BIRC6: variants seen among roughly 807,000 people sequenced by gnomAD.
BIRC6 encodes the protein baculoviral IAP repeat containing 6.
BIRC6 carries 98 observed loss-of-function variants against 503.3 expected under a neutral mutation model. The ratio of observed to expected loss-of-function variants is 0.19; its 90% confidence interval spans 0.17 to 0.23. BIRC6 has a LOEUF of 0.23. BIRC6 is among the 10% of genes least tolerant of loss of function. The pLI is 1.00. For synonymous variants in BIRC6, 2,240 were observed against 2,078.7 expected (o/e 1.08, Z -2.11); for missense variants, 5,360 against 5,806.0 (o/e 0.92, Z 2.50).
At chr2:32,531,600 T>C (rs936620040) in intron 61 of BIRC6, 49 bp downstream of exon 61, 5 of 1,435,650 alleles carry the variant, frequency 3.5e-6, no homozygotes, top group Non-Finnish European at 4.7e-6. Flanking sequence ...GCTAAGCCCT[T>C]CATTCTTTTT....
At chr2:32,391,047 A>G (rs1160310842) in intron 4 of BIRC6, among the ~76,000 whole-genome samples, 1 of 151,870 alleles carries the variant, frequency 6.6e-6, no homozygotes, top group African/African-American at 2.4e-5. Context: ...AAAATACGTA[A>G]TTAGAACAAG....
In BIRC6 at chr2:32,399,784, T is replaced by A. The variant is rs897041786; in HGVS notation, c.1035-1379T>A. On this transcript the variant is annotated intron_variant, in intron 6 of 73. Coordinates refer to ENST00000421745, the MANE Select transcript of BIRC6 (RefSeq NM_016252.4). ...TTTTATTTTTATATTTTAATTTAAA[T>A]TTTTAAATTTTTTATTTTTTAGAGA... 1.3e-5 allele frequency among the ~76,000 whole-genome samples: 2 copies of A among 151,902 alleles called. 1 individual carries two copies. The highest frequency in any genetic ancestry group is 3.8e-4 in the East Asian group (2 of 5,202).
Position 32,445,619 on chromosome 2 carries a change from A to C in BIRC6, c.4435A>C (p.Arg1479=). The change falls in exon 21 of 74, where the codon AGA becomes CGA. Residue 1479 remains arginine (R), a synonymous_variant. Coordinates refer to ENST00000421745, the MANE Select transcript of BIRC6 (RefSeq NM_016252.4). ...TGCATCTTTGCTTACTGCAGTGTCCAGACAGTTACAGGACAGGCTAACACC... is the reference window on the plus strand; with the variant it reads ...TGCATCTTTGCTTACTGCAGTGTCCCGACAGTTACAGGACAGGCTAACACC... The part of the protein sequence containing the change: ...ACASLLTAVS[R]QLQDRLTPME... 1 of 1,605,420 alleles carries C rather than the reference A, an allele frequency of 6.2e-7. No individual in the cohort carries two copies. Among genetic ancestry groups the C allele is most frequent in the Middle Eastern group, 1.7e-4 (1 of 6,034 alleles).
rs1202237845 is a variant in BIRC6 at position 32,611,225 on chromosome 2, C to T, written c.14260-223C>T. On this transcript the variant is annotated intron_variant, in intron 72 of 73. Transcript: ENST00000421745. ...GGTTCACGCCATTCTCTTGCCTCAG[C>T]CTCCCAAATTGAGTTTTATGGATAG... 2.0e-5 allele frequency among the ~76,000 whole-genome samples: 3 copies of T among 151,822 alleles called. No individual in the cohort carries two copies. The East Asian group carries it at 5.8e-4, about 29-fold the overall frequency.
At position 32,468,098 on chromosome 2, in the gene BIRC6, G is replaced by A. The variant is rs1332556138; in HGVS notation, c.5767G>A (p.Asp1923Asn). The change falls in exon 28 of 74, where the codon GAT becomes AAT. Residue 1923 changes from aspartate (D) to asparagine (N), a missense_variant. Coordinates refer to ENST00000421745, the MANE Select transcript of BIRC6 (RefSeq NM_016252.4). ...AGCAATGATGGTTGCTTTGCAGGAG[G>A]ATATACAGTGCAGGTTAGTACAGAG... ...HLAMMVALQE[D>N]IQCRYNLACH... is the part of the protein sequence containing the mutation. The A allele has an allele frequency of 1.9e-6, 3 of 1,613,882 alleles. No individual in the cohort carries two copies. The highest frequency in any genetic ancestry group is 2.5e-6 in the Non-Finnish European group (3 of 1,179,842).
chr2:32,475,447 G>A (rs2049640625), intron 33 of BIRC6, among the ~76,000 whole-genome samples: 1 of 152,134 alleles, frequency 6.6e-6, no homozygotes, highest in Admixed American at 6.5e-5. Flanking sequence ...GATAGGATAG[G>A]AGGGAAGTGT....
At chr2:32,392,599 T>C (rs968460836) in intron 5 of BIRC6, among the ~76,000 whole-genome samples, 3 of 152,142 alleles carry the variant, frequency 2.0e-5, no homozygotes, top group African/African-American at 7.2e-5. Flanking sequence ...TAAGATTAGA[T>C]ACAACTTTTT....
At position 32,531,425 on chromosome 2, in the gene BIRC6, G is replaced by A; in HGVS notation, c.12165G>A (p.Gly4055=). 1 of 1,613,860 alleles carries A rather than the reference G, an allele frequency of 6.2e-7. No homozygotes were observed. The change falls in exon 61 of 74, where the codon GGG becomes GGA. Residue 4055 remains glycine, a synonymous_variant. Coordinates refer to ENST00000421745, the MANE Select transcript of BIRC6 (RefSeq NM_016252.4). ...CTCCAGGTGATGAATGCATGGATGG[G>A]ATACTGGATGAATCTTTGCTTGAAA... ...ALTPGDECMD[G]ILDESLLETC... is the part of the protein sequence containing the mutation.
chr2:32,599,326 T>TAAA (rs61611664), intron 69 of BIRC6, among the ~76,000 whole-genome samples: 101 of 121,644 alleles, frequency 8.3e-4, no homozygotes, highest in Non-Finnish European at 1.5e-3. Context: ...GAGACTGTCT[T>TAAA]AAAAAAAAAA....
intron 10 of BIRC6, among the ~76,000 whole-genome samples, chr2:32,427,590 A>AT (rs1303144410): frequency 4.6e-5 from 7 of 151,934 alleles, no homozygotes; most frequent in South Asian, 4.2e-4. Flanking sequence ...CTGGCCTTTA[A>AT]TTTTTTTAAA....
intron 65 of BIRC6, among the ~76,000 whole-genome samples, chr2:32,555,494 C>T (rs1008628031): frequency 7.9e-5 from 12 of 151,820 alleles, no homozygotes; most frequent in South Asian, 2.1e-4. Flanking sequence ...CAAAAATAGC[C>T]GGGTGTGGTG....
At chr2:32,606,312 G>C (rs929645822) in intron 71 of BIRC6, among the ~76,000 whole-genome samples, 8 of 152,150 alleles carry the variant, frequency 5.3e-5, no homozygotes, top group Non-Finnish European at 7.3e-5. Context: ...TTCTGGCCGG[G>C]TATGATGGCT....
chr2:32,508,866 C>T (rs1357698831), intron 51 of BIRC6, among the ~76,000 whole-genome samples: 2 of 151,974 alleles, frequency 1.3e-5, no homozygotes, highest in Non-Finnish European at 2.9e-5. Flanking sequence ...GGGCGGATCA[C>T]GAGGTCAGGA....
intron 65 of BIRC6, among the ~76,000 whole-genome samples, chr2:32,572,954 C>G (rs1295685056): frequency 6.6e-6 from 1 of 152,182 alleles, no homozygotes; most frequent in Non-Finnish European, 1.5e-5. Context: ...ATGCCACATC[C>G]TGTTACAACT....
chr2:32,378,595 T>C (rs2037180984), intron 2 of BIRC6, among the ~76,000 whole-genome samples: 1 of 151,996 alleles, frequency 6.6e-6, no homozygotes, highest in South Asian at 2.1e-4. Flanking sequence ...GTAGCTGGGA[T>C]TACAGGCATG....
chr2:32,567,348 A>T lies in BIRC6; in HGVS notation c.13145-7808A>T, dbSNP rs537277697. 2.8e-4 allele frequency among the ~76,000 whole-genome samples: 43 copies of T among 152,282 alleles called. 1 individual carries two copies. In the South Asian group the frequency reaches 3.7e-3, roughly 13 times the overall value. ...TATCCACATACCTTTCCTGGCTTGT[A>T]TTTATAAAACAGAATGTCAGGAATT... is the stretch of plus-strand genomic sequence containing the variant. On this transcript the variant is annotated intron_variant, in intron 65 of 73. Transcript: ENST00000421745.
rs2056190205 is a variant in BIRC6, at chr2:32,525,518, C to G, written c.11810C>G (p.Ser3937Cys). 1 of 1,613,956 alleles carries G rather than the reference C, an allele frequency of 6.2e-7. No homozygotes were observed. The highest frequency in any genetic ancestry group is 8.5e-7 in the Non-Finnish European group (1 of 1,179,852). ...TCAGCTACACCACCTCGCCCACCAT[C>G]CAGGAGGGGGAGGACAATACCTGAT... ...AVSATPPRPP[S>C]RRGRTIPDKI... Residue 3937 changes from serine (S) to cysteine (C), a missense_variant, in exon 59 of 74, where the codon TCC becomes TGC. This residue lies in a region of BIRC6 where 878 missense variants were observed against 928.9 expected (regional missense o/e 0.95). Transcript: ENST00000421745.
chr2:32,432,812 G>A (rs1229884090), intron 12 of BIRC6, among the ~76,000 whole-genome samples: 1 of 151,788 alleles, frequency 6.6e-6, no homozygotes, highest in African/African-American at 2.4e-5. Context: ...AGTGTTAGCA[G>A]GTTTGAATAC....
chr2:32,607,390 C>T (rs1018685236), intron 71 of BIRC6, 65 bp from the exon 72 acceptor site: 6 of 1,120,540 alleles, frequency 5.4e-6, no homozygotes, highest in Middle Eastern at 5.2e-4. Context: ...GTGGATAAAG[C>T]AGGATATCAG....
Sources: allele counts gnomAD v4.1 joint callset (sites outside exome capture counted in the v4.1 genomes callset), GRCh38; gene constraint gnomAD v4.1.1; regional missense constraint gnomAD v4.1.1; transcripts MANE v1.5; gene names NCBI Gene and HGNC (gene_info 2026-07-23, HGNC 2026-07-21).